Variants in PDK3 observed in about 807,000 individuals in gnomAD.
PDK3 encodes the protein pyruvate dehydrogenase kinase, isozyme 3.
A neutral mutation model predicts 32.0 loss-of-function variants in PDK3; 12 were observed. The observed-to-expected ratio is 0.37, with a 90% CI of 0.24 to 0.61. The LOEUF (loss-of-function observed/expected upper bound fraction) is 0.61. Ranked by LOEUF, PDK3 falls within the 20% of genes least tolerant of loss-of-function variation. The probability of loss-of-function intolerance (pLI) is 0.65; values close to 1 mark genes in which losing one functional copy is unlikely to be tolerated. For synonymous variants in PDK3, 122 were observed against 116.3 expected (o/e 1.05, Z -0.31); for missense variants, 188 against 316.9 (o/e 0.59, Z 3.09).
At chrX:24,500,065 G>T (rs1215648515) in intron 3 of PDK3, among the ~76,000 whole-genome samples, 1 of 111,340 alleles carries the variant, frequency 9.0e-6, no homozygotes, top group African/African-American at 3.3e-5. Context: ...AAAACCTAGG[G>T]CTGACCACTG....
chrX:24,499,910 A>T (rs1319041426), intron 3 of PDK3, among the ~76,000 whole-genome samples: 1 of 112,367 alleles, frequency 8.9e-6, no homozygotes, highest in African/African-American at 3.2e-5. Flanking sequence ...TGTGGAAGGC[A>T]GGGAAGCATT....
intron 1 of PDK3, among the ~76,000 whole-genome samples, chrX:24,487,444 G>A (rs1425181819): frequency 9.0e-6 from 1 of 111,592 alleles, no homozygotes; most frequent in Non-Finnish European, 1.9e-5. Flanking sequence ...CTGCCTAGGT[G>A]CAACATACAC....
chrX:24,508,781 C>T (rs1170326943), intron 5 of PDK3, among the ~76,000 whole-genome samples: 1 of 111,014 alleles, frequency 9.0e-6, no homozygotes, highest in African/African-American at 3.3e-5. Flanking sequence ...GGCGTGATCT[C>T]GGCTCACTGC....
chrX:24,470,708 A>G (rs1354303452), intron 1 of PDK3, among the ~76,000 whole-genome samples: 14 of 79,660 alleles, frequency 1.8e-4, no homozygotes, highest in African/African-American at 3.2e-4. Flanking sequence ...AAAAAAAAAA[A>G]AAGAAGAAAA....
chrX:24,518,999 A>C lies in PDK3; in HGVS notation c.662A>C (p.Glu221Ala). 1 of 1,182,294 alleles carries C rather than the reference A, an allele frequency of 8.5e-7. No homozygotes were observed. Among genetic ancestry groups the C allele is most frequent in the Non-Finnish European group, 1.1e-6 (1 of 872,022 alleles). The change falls in exon 6 of 11, where the codon GAA (glutamate) becomes GCA (alanine). Residue 221 changes from glutamate (E) to alanine (A), a missense_variant. Physicochemically the swap from Glu to Ala is moderately radical, Grantham distance 107. Coordinates refer to ENST00000379162, the MANE Select transcript of PDK3 (RefSeq NM_005391.5). ...YYLVAPELEVEEFNAKAPDKP... is the reference protein window; with the variant it reads ...YYLVAPELEVAEFNAKAPDKP... The stretch of plus-strand genomic sequence containing the variant: ...CTGGTAGCTCCAGAGCTGGAAGTTG[A>C]AGAATTCAATGGTAAAAGAAAACTA...
At chrX:24,465,631 G>T (rs1200575223) in intron 1 of PDK3, 70 bp downstream of exon 1, 4 of 784,975 alleles carry the variant, frequency 5.1e-6, no homozygotes, top group African/African-American at 2.1e-5. Context: ...CCGGATCTCC[G>T]CAGCTTCGGG....
intron 10 of PDK3, among the ~76,000 whole-genome samples, chrX:24,532,630 C>T (rs775041626): frequency 2.3e-3 from 256 of 111,682 alleles, no homozygotes; most frequent in African/African-American, 8.0e-3. Context: ...AAAATGAAGT[C>T]TCTCCTCCCA....
chrX:24,519,477 C>G (rs747657545), intron 6 of PDK3, among the ~76,000 whole-genome samples: 4 of 102,660 alleles, frequency 3.9e-5, no homozygotes, highest in Non-Finnish European at 7.8e-5. Context: ...TCAAGTGATT[C>G]TCCTGTCTCA....
intron 1 of PDK3, among the ~76,000 whole-genome samples, chrX:24,480,986 C>T (rs183466565): frequency 3.1e-4 from 34 of 111,196 alleles, no homozygotes; most frequent in African/African-American, 9.2e-4. Context: ...TTGTTGGAGG[C>T]TTTCTGGATG....
chrX:24,490,911 T>C (rs1009575557), intron 1 of PDK3, among the ~76,000 whole-genome samples: 1 of 111,098 alleles, frequency 9.0e-6, no homozygotes, highest in Non-Finnish European at 1.9e-5. Flanking sequence ...AAACTCATAA[T>C]TGTGAAAAAA....
In PDK3 at chrX:24,527,558, G is replaced by T. The variant is rs966023899; in HGVS notation, c.751-16G>T. Reference sequence around the variant, plus strand: ...GATTCGGCAGTATGATTAATAAAAAGATCTTATTATTTTAGAACTCAATGA... The same window carrying T: ...GATTCGGCAGTATGATTAATAAAAATATCTTATTATTTTAGAACTCAATGA... On this transcript the variant is annotated splice_polypyrimidine_tract_variant and intron_variant, in intron 7 of 10. Transcript: ENST00000379162. The T allele has an allele frequency of 4.1e-6, 4 of 983,687 alleles. No homozygotes were observed. Among genetic ancestry groups the T allele is most frequent in the African/African-American group, 3.9e-5 (2 of 51,287 alleles). 81.1% of individuals were successfully genotyped at this position (983,687 alleles called of 1,213,427 possible). A position where few individuals can be genotyped will look rare whatever the true frequency, so the allele number is the denominator to read the frequency against.
intron 10 of PDK3, among the ~76,000 whole-genome samples, chrX:24,533,139 C>CTTTTTTTTTTT (rs35816110): frequency 1.1e-5 from 1 of 93,090 alleles, no homozygotes; most frequent in Non-Finnish European, 2.2e-5. Flanking sequence ...CTTTCTTTTT[C>CTTTTTTTTTTT]TTTTTTTTTT....
intron 1 of PDK3, among the ~76,000 whole-genome samples, chrX:24,489,694 AAAAAAAAAG>A (rs1174071760): frequency 1.8e-5 from 2 of 108,933 alleles, no homozygotes; most frequent in Non-Finnish European, 3.8e-5. Flanking sequence ...CAAAAAAAAA[AAAAAAAAAG>A]AAAAAAAAAG....
intron 1 of PDK3, among the ~76,000 whole-genome samples, chrX:24,491,974 G>C (rs1921574509): frequency 9.0e-6 from 1 of 110,984 alleles, no homozygotes; most frequent in Non-Finnish European, 1.9e-5. Flanking sequence ...TTTCAAGTTT[G>C]GTCAAAGGAG....
chrX:24,493,607 C>T lies in PDK3; in HGVS notation c.107-1135C>T, dbSNP rs766643733. 1.1e-4 allele frequency among the ~76,000 whole-genome samples: 12 copies of T among 111,418 alleles called. No homozygotes were observed. The South Asian group carries it at 2.7e-3, about 25-fold the overall frequency. The stretch of plus-strand genomic sequence containing the variant: ...GAGCAGCAAAGAGGCCTAGGCAGGG[C>T]GAGGGAGATGGGATGGACCCCTCAA... On this transcript the variant is annotated intron_variant, in intron 1 of 10. Transcript: ENST00000379162.
At chrX:24,519,168 A>G (rs765270204) in intron 6 of PDK3, among the ~76,000 whole-genome samples, 158 bp downstream of exon 6, 1 of 111,021 alleles carries the variant, frequency 9.0e-6, no homozygotes, top group Non-Finnish European at 1.9e-5. Flanking sequence ...CAGATATATT[A>G]TTGTAAGGAG....
intron 1 of PDK3, among the ~76,000 whole-genome samples, chrX:24,484,210 C>T: frequency 9.0e-6 from 1 of 110,834 alleles, no homozygotes; most frequent in Non-Finnish European, 1.9e-5. Flanking sequence ...GATGGGGTTT[C>T]GCCATGTTGC....
rs748738221 is a variant in PDK3 at position 24,493,505 on chromosome X, T to A, written c.107-1237T>A. Among the ~76,000 whole-genome samples the A allele has an allele frequency of 3.6e-5, 4 of 111,361 alleles. No homozygotes were observed. The East Asian group carries it at 1.1e-3, about 32-fold the overall frequency. On this transcript the variant is annotated intron_variant, in intron 1 of 10. Coordinates refer to ENST00000379162, the MANE Select transcript of PDK3 (RefSeq NM_005391.5). ...ATAAGGAGAGTTTGGAAGAGAAAAT[T>A]GTTAAATGGCTCTGCTCGTCTCTCT...
intron 8 of PDK3, 114 bp downstream of exon 8, chrX:24,527,789 G>A: frequency 2.0e-6 from 1 of 508,732 alleles, no homozygotes; most frequent in Non-Finnish European, 3.3e-6. Flanking sequence ...CTGTTTGTAA[G>A]TTCTATGCTA....
Sources: gnomAD v4.1 joint callset for allele counts (sites outside exome capture counted in the v4.1 genomes callset) on GRCh38, gnomAD v4.1.1 for gene constraint, MANE v1.5 for transcripts, NCBI Gene and HGNC (gene_info 2026-07-23, HGNC 2026-07-21) for gene names.